MAGI2: variants seen among roughly 807,000 people sequenced by gnomAD.
MAGI2 encodes the protein membrane associated guanylate kinase, WW and PDZ domain containing 2.
Under a neutral mutation model 133.3 loss-of-function variants are expected in MAGI2, and 35 were observed. The observed-to-expected ratio is 0.26, with a 90% CI of 0.20 to 0.35. The LOEUF is 0.35. MAGI2 is among the 10% of genes least tolerant of loss of function. The probability of loss-of-function intolerance (pLI) is 1.00; values close to 1 mark genes in which losing one functional copy is unlikely to be tolerated. For missense variants in MAGI2, 1,636 were observed against 1,863.4 expected (o/e 0.88, Z 2.25); for synonymous variants, 729 against 710.6 (o/e 1.03, Z -0.41).
intron 9 of MAGI2, among the ~76,000 whole-genome samples, chr7:78,257,931 A>C (rs1244044256): frequency 1.5e-4 from 23 of 152,248 alleles, no homozygotes; most frequent in Admixed American, 1.5e-3. Flanking sequence ...AAACGTTAAA[A>C]ATGAAAAACA....
intron 16 of MAGI2, among the ~76,000 whole-genome samples, chr7:78,142,346 A>G (rs542365610): frequency 6.6e-6 from 1 of 152,114 alleles, no homozygotes; most frequent in Non-Finnish European, 1.5e-5. Flanking sequence ...TCTGCCGTGG[A>G]AGGTGTAAAT....
At chr7:79,176,662 A>G (rs1247181244) in intron 1 of MAGI2, among the ~76,000 whole-genome samples, 1 of 152,078 alleles carries the variant, frequency 6.6e-6, no homozygotes, top group African/African-American at 2.4e-5. Flanking sequence ...AGATCATTAT[A>G]GAATTTGCCT....
chr7:79,234,902 G>GA (rs931665171), intron 1 of MAGI2, among the ~76,000 whole-genome samples: 3 of 151,916 alleles, frequency 2.0e-5, no homozygotes, highest in Non-Finnish European at 2.9e-5. Context: ...TTTCTGTTCT[G>GA]TTTTTTCCCT....
chr7:78,020,578 A>C (rs537571636), intron 21 of MAGI2, among the ~76,000 whole-genome samples: 1 of 152,138 alleles, frequency 6.6e-6, no homozygotes, highest in South Asian at 2.1e-4. Flanking sequence ...GGCTCAAAAA[A>C]AAAAGGTCCA....
intron 6 of MAGI2, among the ~76,000 whole-genome samples, chr7:78,370,793 A>G (rs1308733890): frequency 6.6e-6 from 1 of 151,992 alleles, no homozygotes. Context: ...TTTCTCTTTC[A>G]TAACACTCTA....
chr7:78,646,570 C>T (rs1810917897), intron 2 of MAGI2, among the ~76,000 whole-genome samples: 1 of 152,152 alleles, frequency 6.6e-6, no homozygotes, highest in African/African-American at 2.4e-5. Context: ...TTATATATAA[C>T]TCCTTTGCAA....
At chr7:79,139,496 G>C (rs1246813307) in intron 1 of MAGI2, among the ~76,000 whole-genome samples, 1 of 152,176 alleles carries the variant, frequency 6.6e-6, no homozygotes, top group South Asian at 2.1e-4. Flanking sequence ...AATGTCTGAA[G>C]GATCCCACTC....
chr7:79,337,564 A>C (rs1267109505), intron 1 of MAGI2, among the ~76,000 whole-genome samples: 2 of 152,220 alleles, frequency 1.3e-5, no homozygotes, highest in Non-Finnish European at 2.9e-5. Flanking sequence ...TTTGTGAACA[A>C]AATTCCATCA....
chr7:78,678,778 A>T (rs1815320214), intron 2 of MAGI2, among the ~76,000 whole-genome samples: 3 of 152,116 alleles, frequency 2.0e-5, no homozygotes, highest in Admixed American at 2.0e-4. Context: ...AATTTTAACC[A>T]TGTTGCCCAA....
At chr7:79,285,717 C>T (rs1835950693) in intron 1 of MAGI2, among the ~76,000 whole-genome samples, 1 of 152,076 alleles carries the variant, frequency 6.6e-6, no homozygotes, top group Non-Finnish European at 1.5e-5. Context: ...GATACACTCA[C>T]AAACCAGTAC....
chr7:78,928,382 T>C (rs1011264221), intron 2 of MAGI2, among the ~76,000 whole-genome samples: 2 of 151,818 alleles, frequency 1.3e-5, no homozygotes, highest in East Asian at 3.9e-4. Context: ...AGGTTCCTTC[T>C]AGTTTTATTC....
At chr7:79,355,095 C>T (rs554813462) in intron 1 of MAGI2, among the ~76,000 whole-genome samples, 1 of 152,190 alleles carries the variant, frequency 6.6e-6, no homozygotes, top group Non-Finnish European at 1.5e-5. Context: ...AGAAAAGTGC[C>T]TTCCATACCT....
intron 20 of MAGI2, among the ~76,000 whole-genome samples, chr7:78,111,459 A>G (rs1819350970): frequency 6.6e-6 from 1 of 152,198 alleles, no homozygotes; most frequent in Non-Finnish European, 1.5e-5. Context: ...ATGCTTTTGA[A>G]ATGGTTCAAA....
At chr7:78,603,133 G>T (rs143893070) in intron 3 of MAGI2, among the ~76,000 whole-genome samples, 2,063 of 152,246 alleles carry the variant, frequency 0.014, 29 homozygotes, top group African/African-American at 0.024. Context: ...TAAAGTGACA[G>T]AATTACTGAG....
At chr7:79,418,299 T>C (rs755875604) in intron 1 of MAGI2, among the ~76,000 whole-genome samples, 1 of 152,094 alleles carries the variant, frequency 6.6e-6, no homozygotes, top group Non-Finnish European at 1.5e-5. Context: ...TGCTACAAGC[T>C]TTCTTCAGAG....
rs1384453067 is a variant in MAGI2, at chr7:78,381,312, A to C, written c.1046-12099T>G. On this transcript the variant is annotated intron_variant, in intron 6 of 21. Coordinates refer to ENST00000354212, the MANE Select transcript of MAGI2 (RefSeq NM_012301.4). ...CAGTGAGTTGAGATCGCGCCACTGC[A>C]CTCCAACCTGGGTGACATATAAGAC... Among the ~76,000 whole-genome samples, 4 of 152,036 alleles carry C rather than the reference A, an allele frequency of 2.6e-5. No individual in the cohort carries two copies. In the East Asian group the frequency reaches 5.8e-4, roughly 22 times the overall value.
At chr7:78,191,664 G>C (rs776185602) in intron 12 of MAGI2, among the ~76,000 whole-genome samples, 1 of 152,194 alleles carries the variant, frequency 6.6e-6, no homozygotes, top group Non-Finnish European at 1.5e-5. Flanking sequence ...CTGCTGGGTG[G>C]GAGAATCTTC....
intron 10 of MAGI2, among the ~76,000 whole-genome samples, chr7:78,212,314 A>T (rs1239068101): frequency 6.6e-6 from 1 of 152,222 alleles, no homozygotes; most frequent in African/African-American, 2.4e-5. Context: ...GATTAAGGCT[A>T]AAGGCCTTCA....
At position 78,079,152 on chromosome 7, in the gene MAGI2, A is replaced by T. The variant is rs919973078; in HGVS notation, c.3568-67T>A. ...ACTCAAGTTGCATTGTCAACAGATT[A>T]AAAAAAAAGCATGTCTAGATGACCT... On this transcript the variant is annotated intron_variant, in intron 20 of 21. Transcript: ENST00000354212. The T allele has an allele frequency of 1.2e-5, 16 of 1,319,226 alleles. No individual in the cohort carries two copies. In the East Asian group the frequency reaches 1.2e-4, roughly 10 times the overall value. 81.7% of individuals were successfully genotyped at this position (1,319,226 alleles called of 1,614,324 possible).
Sources: gnomAD v4.1 joint callset for allele counts (sites outside exome capture counted in the v4.1 genomes callset) on GRCh38, gnomAD v4.1.1 for gene constraint, MANE v1.5 for transcripts, NCBI Gene and HGNC (gene_info 2026-07-23, HGNC 2026-07-21) for gene names.